The following MAGED1 variants were observed in gnomAD, a reference collection of about 807,000 sequenced individuals.
MAGED1 encodes the protein melanoma-associated antigen D1.
Under a neutral mutation model 54.1 loss-of-function variants are expected in MAGED1, and 3 were observed. The observed-to-expected ratio is 0.06, with a 90% CI of 0.03 to 0.14. The LOEUF is 0.14. Ranked by LOEUF, MAGED1 falls within the 10% of genes least tolerant of loss-of-function variation. The pLI is 1.00. For synonymous variants in MAGED1, 217 were observed against 227.3 expected (o/e 0.95, Z 0.41); for missense variants, 485 against 623.4 (o/e 0.78, Z 2.36).
rs200760701 is a variant in MAGED1 at position 51,896,476 on chromosome X, C to A, written c.821C>A (p.Thr274Asn). ...DQRRAPLAAG[T>N]WRSAPVPVTT... ...AGGCGGGCCCCACTGGCTGCAGGGA[C>A]CTGGAGGTCTGCACCAGTTCCAGTG... Residue 274 changes from threonine to asparagine, a missense_variant, in exon 4 of 13, where the codon ACC (threonine) becomes AAC (asparagine). Around this residue, in one of 2 missense-constraint regions of MAGED1, gnomAD observed 299 missense variants for 293.1 expected, o/e 1.02. Transcript: ENST00000326587. 5 of 1,209,447 alleles carry A rather than the reference C, an allele frequency of 4.1e-6. No homozygotes were observed. Among genetic ancestry groups the A allele is most frequent in the Middle Eastern group, 2.3e-4 (1 of 4,350 alleles).
intron 10 of MAGED1, chrX:51,898,960 C>T (rs188820360): frequency 5.0e-6 from 1 of 198,675 alleles, no homozygotes. Flanking sequence ...GAGCTGTGAT[C>T]ATGCCACTGC....
At chrX:51,851,667 C>G (rs1370709423) in intron 1 of MAGED1, among the ~76,000 whole-genome samples, 3 of 108,555 alleles carry the variant, frequency 2.8e-5, no homozygotes, top group African/African-American at 1.0e-4. Flanking sequence ...GATAACCTAG[C>G]CAGCTACTAG....
intron 1 of MAGED1, among the ~76,000 whole-genome samples, chrX:51,865,335 C>T (rs1557361020): frequency 9.0e-6 from 1 of 111,716 alleles, no homozygotes; most frequent in African/African-American, 3.3e-5. Context: ...TAGAATAATG[C>T]TGGCTATGTA....
intron 1 of MAGED1, among the ~76,000 whole-genome samples, chrX:51,872,831 A>G (rs781828428): frequency 1.5e-4 from 17 of 111,834 alleles, no homozygotes; most frequent in Non-Finnish European, 2.4e-4. Context: ...GTTACCTTAT[A>G]TAATTCTGGG....
chrX:51,865,314 T>A (rs1343542428), intron 1 of MAGED1, among the ~76,000 whole-genome samples: 3 of 112,014 alleles, frequency 2.7e-5, no homozygotes, highest in African/African-American at 6.5e-5. Context: ...CACTGATATA[T>A]CCCAAGTGCC....
chrX:51,902,227 C>G lies in MAGED1; in HGVS notation c.*90C>G. On this transcript the variant is annotated 3_prime_UTR_variant, in exon 13 of 13. Transcript: ENST00000326587. Reference sequence around the variant, plus strand: ...CTTCTAAACACAGCTATCTAGAGAGCCACATCCTGTTGACTGAAAGTGGCA... The same window carrying G: ...CTTCTAAACACAGCTATCTAGAGAGGCACATCCTGTTGACTGAAAGTGGCA... The G allele has an allele frequency of 4.3e-6, 1 of 235,284 alleles. No individual in the cohort carries two copies. Among genetic ancestry groups the G allele is most frequent in the Non-Finnish European group, 7.6e-6 (1 of 131,217 alleles). The allele number at this position is 235,284 out of a possible 1,213,427, so 19.4% of individuals were successfully genotyped here.
chrX:51,879,888 C>T (rs1410195857), intron 1 of MAGED1, among the ~76,000 whole-genome samples: 3 of 111,902 alleles, frequency 2.7e-5, no homozygotes, highest in African/African-American at 9.8e-5. Flanking sequence ...AGCAAAGAGT[C>T]AGTAGATATT....
chrX:51,808,238 C>A (rs1925097591), intron 1 of MAGED1, among the ~76,000 whole-genome samples: 1 of 111,679 alleles, frequency 9.0e-6, no homozygotes, highest in African/African-American at 3.3e-5. Context: ...TATTTTCTCT[C>A]CTTTGTTGAA....
intron 1 of MAGED1, 30 bp from the exon 2 acceptor site, chrX:51,894,238 TG>T: frequency 2.2e-6 from 2 of 916,855 alleles, no homozygotes; most frequent in South Asian, 4.2e-5. Flanking sequence ...ATTTGCCCTC[TG>T]TAGTATAACG....
chrX:51,877,591 C>G (rs1927918442), intron 1 of MAGED1, among the ~76,000 whole-genome samples: 1 of 111,095 alleles, frequency 9.0e-6, no homozygotes, highest in African/African-American at 3.3e-5. Flanking sequence ...CAATGATAAT[C>G]TAGTGAACAA....
At position 51,896,762 on chromosome X, in the gene MAGED1, G is replaced by A. The variant is rs1400746960; in HGVS notation, c.1107G>A (p.Pro369=). 9.1e-6 allele frequency: 11 copies of A among 1,209,614 alleles called. No individual in the cohort carries two copies. The highest frequency in any genetic ancestry group is 1.7e-5 in the African/African-American group (1 of 57,289). ...PIVWPGPVVW[P]NPLAWQNPPG... ...TCTGGCCCGGCCCTGTTGTCTGGCC[G>A]AATCCACTGGCCTGGCAGAATCCAC... The change falls in exon 4 of 13, where the codon CCG becomes CCA. Residue 369 remains proline, a synonymous_variant. Coordinates refer to ENST00000326587, the MANE Select transcript of MAGED1 (RefSeq NM_006986.4).
chrX:51,871,108 G>A (rs1263455381), intron 1 of MAGED1, among the ~76,000 whole-genome samples: 1 of 111,825 alleles, frequency 8.9e-6, no homozygotes, highest in African/African-American at 3.2e-5. Context: ...TGCAGATGCA[G>A]AACAGTAGGG....
intron 1 of MAGED1, among the ~76,000 whole-genome samples, chrX:51,823,863 A>G (rs1197791253): frequency 1.8e-5 from 2 of 111,140 alleles, no homozygotes; most frequent in African/African-American, 6.5e-5. Flanking sequence ...GTTCAGATTT[A>G]TATGAACTTA....
chrX:51,869,819 G>A lies in MAGED1; in HGVS notation c.-36-24450G>A, dbSNP rs183012134. On this transcript the variant is annotated intron_variant, in intron 1 of 12. Coordinates refer to the MAGED1 transcript ENST00000375772. ...CAGGAGGCGGAGATTGCAGTGAGCC[G>A]AGATCGTGCCACTGAACTCCAGCCT... Among the ~76,000 whole-genome samples the A allele has an allele frequency of 2.6e-3, 285 of 111,460 alleles. 2 individuals carry two copies. In the Middle Eastern group the frequency reaches 0.051, roughly 20 times the overall value.
At chrX:51,866,710 G>A (rs1173094384) in intron 1 of MAGED1, among the ~76,000 whole-genome samples, 1 of 111,644 alleles carries the variant, frequency 9.0e-6, no homozygotes, top group African/African-American at 3.3e-5. Flanking sequence ...TTCATCAAAG[G>A]GTGTTTTTCT....
chrX:51,825,279 C>A (rs1925814353), intron 1 of MAGED1, among the ~76,000 whole-genome samples: 1 of 110,739 alleles, frequency 9.0e-6, no homozygotes, highest in South Asian at 3.9e-4. Flanking sequence ...TACTCAGCAG[C>A]ACAGTGGGGA....
intron 12 of MAGED1, 27 bp downstream of exon 12, chrX:51,901,965 G>A: frequency 8.6e-7 from 1 of 1,168,872 alleles, no homozygotes; most frequent in African/African-American, 1.8e-5. Context: ...GGATTGGGCA[G>A]TTAGGGTCTC....
At chrX:51,835,609 G>A (rs1303946587) in intron 1 of MAGED1, among the ~76,000 whole-genome samples, 5 of 111,245 alleles carry the variant, frequency 4.5e-5, no homozygotes, top group Non-Finnish European at 9.4e-5. Flanking sequence ...CAGATTGATT[G>A]TGATGAGCCT....
chrX:51,864,488 C>T (rs909744980), intron 1 of MAGED1, among the ~76,000 whole-genome samples: 5 of 111,349 alleles, frequency 4.5e-5, no homozygotes, highest in Non-Finnish European at 9.4e-5. Context: ...TCTTCTTATT[C>T]AAGATTGCTT....
Sources: gnomAD v4.1 joint callset for allele counts (sites outside exome capture counted in the v4.1 genomes callset) on GRCh38, gnomAD v4.1.1 for gene constraint, gnomAD v4.1.1 regional missense constraint, MANE v1.5 for transcripts, NCBI Gene and HGNC (gene_info 2026-07-23, HGNC 2026-07-21) for gene names.